Variants in TTC7A observed in about 807,000 individuals in gnomAD.
TTC7A encodes the protein tetratricopeptide repeat protein 7A.
In TTC7A, 110 loss-of-function variants were observed where a neutral mutation model predicts 103.7. The ratio of observed to expected loss-of-function variants is 1.06; its 90% CI spans 0.91 to 1.24. The LOEUF is 1.24. Among genes scored for constraint, TTC7A ranks in the 50% most tolerant of loss-of-function variants. The pLI is 0.00. For missense variants in TTC7A, 1,340 were observed against 1,116.3 expected (o/e 1.20, Z -2.86); for synonymous variants, 521 against 467.9 (o/e 1.11, Z -1.47).
At position 47,073,747 on chromosome 2, in the gene TTC7A, G is replaced by T; in HGVS notation, c.2401G>T (p.Val801Leu). Residue 801 changes from valine to leucine, a missense_variant, in exon 20 of 20, where the codon GTG becomes TTG. Val to Leu is a conservative substitution (Grantham distance 32). Coordinates refer to ENST00000319190, the MANE Select transcript of TTC7A (RefSeq NM_020458.4). ...GGGCCACAAGAGCTTGGCCCAGAAG[G>T]TGCTTCGTGATGCCGTGGAGAGGCA... is the stretch of plus-strand genomic sequence containing the variant. ...RLGHKSLAQK[V>L]LRDAVERQST... 6.2e-7 allele frequency: 1 copy of T among 1,613,870 alleles called. No individual in the cohort carries two copies. Among genetic ancestry groups the T allele is most frequent in the Non-Finnish European group, 8.5e-7 (1 of 1,180,028 alleles).
At chr2:46,921,229 A>AT (rs1298073306) in intron 2 of TTC7A, among the ~76,000 whole-genome samples, 1 of 152,220 alleles carries the variant, frequency 6.6e-6, no homozygotes, top group Non-Finnish European at 1.5e-5. Flanking sequence ...AAGTAAAAGT[A>AT]TCTTTATTCA....
In TTC7A at chr2:46,957,720, C is replaced by A. The variant is rs550469176; in HGVS notation, c.517+713C>A. Among the ~76,000 whole-genome samples, 19 of 152,304 alleles carry A rather than the reference C, an allele frequency of 1.2e-4. No homozygotes were observed. In the East Asian group the frequency reaches 3.5e-3, roughly 28 times the overall value. On this transcript the variant is annotated intron_variant, in intron 3 of 19. Coordinates refer to ENST00000319190, the MANE Select transcript of TTC7A (RefSeq NM_020458.4). ...CAAATGTGTTCAATGTTAAAGTCATCCTACCCCAAACTTTGTGCTTCAGGC... is the reference window on the plus strand; with the variant it reads ...CAAATGTGTTCAATGTTAAAGTCATACTACCCCAAACTTTGTGCTTCAGGC...
intron 2 of TTC7A, chr2:46,917,334 C>A (rs887949059): frequency 3.2e-6 from 2 of 618,262 alleles, no homozygotes; most frequent in Non-Finnish European, 5.7e-6. Flanking sequence ...CCTATTAATT[C>A]AAGACCCATT....
intron 3 of TTC7A, among the ~76,000 whole-genome samples, chr2:46,965,055 G>C (rs548568038): frequency 6.6e-6 from 1 of 152,324 alleles, no homozygotes; most frequent in South Asian, 2.1e-4. Context: ...GACATGCTAG[G>C]TTGTGAAGCT....
At chr2:47,017,426 A>C (rs1678789816) in intron 11 of TTC7A, among the ~76,000 whole-genome samples, 1 of 150,844 alleles carries the variant, frequency 6.6e-6, no homozygotes, top group Non-Finnish European at 1.5e-5. Context: ...GGTCCCAACT[A>C]CTTGGGAGGC....
chr2:47,033,491 T>C (rs989351783), intron 15 of TTC7A, among the ~76,000 whole-genome samples: 3 of 152,202 alleles, frequency 2.0e-5, no homozygotes, highest in African/African-American at 7.2e-5. Context: ...CAGGGAGGCC[T>C]GCCACAGGGG....
chr2:46,982,601 C>T (rs1674581926), intron 5 of TTC7A, among the ~76,000 whole-genome samples: 1 of 152,166 alleles, frequency 6.6e-6, no homozygotes, highest in Admixed American at 6.5e-5. Context: ...AAGGACCGTG[C>T]CTGCCTTCTC....
intron 11 of TTC7A, among the ~76,000 whole-genome samples, chr2:47,019,369 A>AT (rs201520940): frequency 3.4e-4 from 52 of 150,908 alleles, no homozygotes; most frequent in East Asian, 1.6e-3. Flanking sequence ...ACCATTTTCT[A>AT]TTTTTAAAAA....
chr2:46,916,070 C>T (rs1298116310), upstream of TTC7A: 1 of 985,386 alleles, frequency 1.0e-6, no homozygotes, highest in Non-Finnish European at 1.2e-6. Flanking sequence ...CGCCGGAAGC[C>T]CTCAGGAACG....
Position 47,007,725 on chromosome 2 carries a change from G to A in TTC7A, c.1287+1001G>A, listed in dbSNP as rs1301126510. On this transcript the variant is annotated intron_variant, in intron 10 of 19. Coordinates refer to ENST00000319190, the MANE Select transcript of TTC7A (RefSeq NM_020458.4). This position sits in a 1 kb window ranked among gnomAD's most constrained non-coding sequence, Gnocchi z 4.9. Reference sequence around the variant, plus strand: ...GAGCAGGTGCTGCAGCCTGAGTGCGGGGAGAGGCTTGCTGGGGAGCCTTCC... The same window carrying A: ...GAGCAGGTGCTGCAGCCTGAGTGCGAGGAGAGGCTTGCTGGGGAGCCTTCC... 6.6e-6 allele frequency among the ~76,000 whole-genome samples: 1 copy of A among 152,198 alleles called. No individual in the cohort carries two copies. The highest frequency in any genetic ancestry group is 2.4e-5 in the African/African-American group (1 of 41,448).
intron 3 of TTC7A, among the ~76,000 whole-genome samples, chr2:46,957,239 CTACT>C (rs1310834821): frequency 1.3e-5 from 2 of 152,254 alleles, no homozygotes; most frequent in Non-Finnish European, 2.9e-5. Flanking sequence ...AACAATTACC[CTACT>C]TTGTGTACCC....
intron 3 of TTC7A, 46 bp downstream of exon 3, chr2:46,957,053 C>T (rs374734925): frequency 1.9e-4 from 300 of 1,608,376 alleles, no homozygotes; most frequent in Non-Finnish European, 2.2e-4. Flanking sequence ...GTGTGCAGCT[C>T]GTTGCACTCT....
At chr2:47,035,556 A>G (rs11695952) in intron 15 of TTC7A, 75,489 of 152,214 alleles carry the variant, frequency 0.5, 20,693 homozygotes, top group African/African-American at 0.74. Flanking sequence ...GTTGATGGTC[A>G]TCATTCTCCA....
intron 2 of TTC7A, among the ~76,000 whole-genome samples, chr2:46,918,231 C>T (rs1572629151): frequency 6.6e-6 from 1 of 152,324 alleles, no homozygotes; most frequent in Non-Finnish European, 1.5e-5. Context: ...CACTGGTACT[C>T]ATTCTGTTGT....
rs1438887727 is a variant in TTC7A at position 47,051,887 on chromosome 2, G to A, written c.2152+7G>A. ...CAGATCTGGCTGCAGGCTGGTGAGT[G>A]CCCTGGTCCCAGTGACACACACAGC... On this transcript the variant is annotated splice_region_variant and intron_variant, in intron 18 of 19. Coordinates refer to ENST00000319190, the MANE Select transcript of TTC7A (RefSeq NM_020458.4). The A allele has an allele frequency of 1.9e-6, 3 of 1,604,584 alleles. No homozygotes were observed. The highest frequency in any genetic ancestry group is 1.1e-5 in the South Asian group (1 of 90,120).
intron 5 of TTC7A, among the ~76,000 whole-genome samples, chr2:46,982,076 G>T (rs1674522980): frequency 6.6e-6 from 1 of 152,224 alleles, no homozygotes; most frequent in Admixed American, 6.5e-5. Flanking sequence ...CAAATGGAAA[G>T]AATAGGGTGG....
At chr2:47,049,356 C>CG (rs1299168044) in intron 16 of TTC7A, among the ~76,000 whole-genome samples, 1 of 151,924 alleles carries the variant, frequency 6.6e-6, no homozygotes, top group African/African-American at 2.4e-5. Context: ...CCCTCCCCCC[C>CG]GCCAGCAGTA....
intron 15 of TTC7A, among the ~76,000 whole-genome samples, chr2:47,043,304 A>C (rs935249481): frequency 6.6e-6 from 1 of 152,214 alleles, no homozygotes; most frequent in African/African-American, 2.4e-5. Context: ...TCCTGACATC[A>C]GGAAGGCTGT....
intron 11 of TTC7A, among the ~76,000 whole-genome samples, chr2:47,016,738 A>G (rs2104516763): frequency 6.6e-6 from 1 of 152,324 alleles, no homozygotes; most frequent in Non-Finnish European, 1.5e-5. Context: ...TGGAGGCCAC[A>G]AGGAGGAAGT....
Sources: allele counts gnomAD v4.1 joint callset (sites outside exome capture counted in the v4.1 genomes callset), GRCh38; gene constraint gnomAD v4.1.1; non-coding constraint Gnocchi (gnomAD v3.1); transcripts MANE v1.5; gene names NCBI Gene and HGNC (gene_info 2026-07-23, HGNC 2026-07-21).